ABHD2: variants seen among roughly 807,000 people sequenced by gnomAD.
ABHD2 encodes abhydrolase domain containing 2, acylglycerol lipase, also known as monoacylglycerol lipase ABHD2.
In ABHD2, 20 loss-of-function variants were observed where a neutral mutation model predicts 48.1. The ratio of observed to expected loss-of-function variants is 0.42; its 90% CI spans 0.29 to 0.60. ABHD2 has a LOEUF of 0.60. Ranked by LOEUF, ABHD2 falls within the 20% of genes least tolerant of loss-of-function variation. ABHD2 has a pLI of 0.24. For synonymous variants in ABHD2, 209 were observed against 214.2 expected (o/e 0.98, Z 0.21); for missense variants, 405 against 550.9 (o/e 0.74, Z 2.65).
chr15:89,152,125 G>C (rs1459633782), intron 4 of ABHD2, among the ~76,000 whole-genome samples: 1 of 151,556 alleles, frequency 6.6e-6, no homozygotes, highest in Non-Finnish European at 1.5e-5. Flanking sequence ...GCCCAGGCTG[G>C]AGTGCGGTGG....
the ABHD2 span, among the ~76,000 whole-genome samples, chr15:89,052,550 G>GACACACAC: frequency 2.5e-4 from 27 of 107,436 alleles, no homozygotes; most frequent in African/African-American, 7.2e-4. Flanking sequence ...CAGACAGACA[G>GACACACAC]ACAGACAGAC....
At chr15:89,125,627 G>A (rs1253032975) in intron 3 of ABHD2, among the ~76,000 whole-genome samples, 1 of 152,140 alleles carries the variant, frequency 6.6e-6, no homozygotes, top group Non-Finnish European at 1.5e-5. Context: ...CTCAGGACTG[G>A]GGCATGGGAC....
intron 1 of ABHD2, among the ~76,000 whole-genome samples, chr15:89,113,032 C>T (rs1399861564): frequency 6.6e-6 from 1 of 152,170 alleles, no homozygotes; most frequent in Admixed American, 6.5e-5. Context: ...GGCTGTTTCC[C>T]CCATGTTCTC....
At chr15:89,190,796 T>C (rs1338483558) in intron 8 of ABHD2, among the ~76,000 whole-genome samples, 1 of 152,178 alleles carries the variant, frequency 6.6e-6, no homozygotes, top group Non-Finnish European at 1.5e-5. Context: ...CAAGGTCACA[T>C]AGCCAGTAAA....
rs1242227241 is a variant in ABHD2 at position 89,195,001 on chromosome 15, C to T, written c.1082-226C>T. On this transcript the variant is annotated intron_variant, in intron 10 of 10. Coordinates refer to ENST00000352732, the MANE Select transcript of ABHD2 (RefSeq NM_152924.5). The surrounding 1 kb of genome is among the most constrained non-coding windows in gnomAD (Gnocchi z 5.1). ...TTTAGAGTTCTAAGGCTTTCTTCAG[C>T]TGGTGCCCATTCAGCTCCAAAGCCA... Among the ~76,000 whole-genome samples the T allele has an allele frequency of 1.3e-5, 2 of 152,212 alleles. No individual in the cohort carries two copies. Among genetic ancestry groups the T allele is most frequent in the African/African-American group, 4.8e-5 (2 of 41,468 alleles).
rs959413828 is a variant in ABHD2, at chr15:89,197,027, G to T, written c.*1604G>T. 2.6e-5 allele frequency: 4 copies of T among 152,560 alleles called. No homozygotes were observed. Among genetic ancestry groups the T allele is most frequent in the African/African-American group, 7.2e-5 (3 of 41,412 alleles). The allele number at this position is 152,560 out of a possible 1,614,324, so 9.5% of individuals were successfully genotyped here. On this transcript the variant is annotated 3_prime_UTR_variant, in exon 11 of 11. Coordinates refer to ENST00000352732, the MANE Select transcript of ABHD2 (RefSeq NM_152924.5). The surrounding 1 kb of genome is among the most constrained non-coding windows in gnomAD (Gnocchi z 4.4). ...AGGACAGACTGGAATATAAGTAGTG[G>T]GTCTGCATGGATGTTTCAGGGATCA...
the ABHD2 span, among the ~76,000 whole-genome samples, chr15:89,062,425 C>T: frequency 1.3e-5 from 2 of 152,084 alleles, no homozygotes; most frequent in South Asian, 4.2e-4. Context: ...CACTGTGTCG[C>T]CCAGCCTGTA....
In ABHD2 at chr15:89,201,829, G is replaced by A. The variant is rs536616849; in HGVS notation, c.*6406G>A. ...GGAGAGACAGCGCAGAGCAGGGGGCGGCTTGCTCGCTGGGGGCGGGGGACG... is the reference window on the plus strand; with the variant it reads ...GGAGAGACAGCGCAGAGCAGGGGGCAGCTTGCTCGCTGGGGGCGGGGGACG... On this transcript the variant is annotated 3_prime_UTR_variant, in exon 11 of 11. Transcript: ENST00000352732. 4.8e-4 allele frequency: 559 copies of A among 1,174,652 alleles called. 11 individuals carry two copies. The South Asian group carries it at 5.2e-3, about 11-fold the overall frequency. 72.8% of individuals were successfully genotyped at this position (1,174,652 alleles called of 1,614,324 possible).
At chr15:89,159,881 G>A (rs1303989998) in intron 5 of ABHD2, among the ~76,000 whole-genome samples, 5 of 152,130 alleles carry the variant, frequency 3.3e-5, no homozygotes, top group Non-Finnish European at 5.9e-5. Flanking sequence ...AAAAAAATGG[G>A]TGTCTTCTTC....
chr15:89,154,021 C>T (rs946398608), intron 4 of ABHD2, among the ~76,000 whole-genome samples: 4 of 152,100 alleles, frequency 2.6e-5, no homozygotes, highest in African/African-American at 9.7e-5. Context: ...TTATATCATC[C>T]TTCATCAGAA....
chr15:89,060,496 A>C, the ABHD2 span, among the ~76,000 whole-genome samples: 3 of 152,108 alleles, frequency 2.0e-5, no homozygotes, highest in African/African-American at 7.2e-5. Context: ...TAAAAACCTA[A>C]GGACTTATCT....
intron 3 of ABHD2, among the ~76,000 whole-genome samples, chr15:89,130,172 A>G (rs1438987618): frequency 6.6e-6 from 1 of 152,262 alleles, no homozygotes; most frequent in Non-Finnish European, 1.5e-5. Context: ...TAGTCGAAGT[A>G]AACTAGTTTA....
rs892085257 is a variant in ABHD2, at chr15:89,094,790, C to T, written c.-107+6227C>T. Among the ~76,000 whole-genome samples, 14 of 149,996 alleles carry T rather than the reference C, an allele frequency of 9.3e-5. No individual in the cohort carries two copies. The highest frequency in any genetic ancestry group is 3.2e-4 in the African/African-American group (13 of 40,684). On this transcript the variant is annotated intron_variant, in intron 1 of 10. Transcript: ENST00000352732. This position sits in a 1 kb window ranked among gnomAD's most constrained non-coding sequence, Gnocchi z 4.7. ...CTAAAAAGATATTTTAGCCTGGGTGCGGTGGCTCACACCTGTAATCCCAGT... is the reference window on the plus strand; with the variant it reads ...CTAAAAAGATATTTTAGCCTGGGTGTGGTGGCTCACACCTGTAATCCCAGT...
intron 10 of ABHD2, among the ~76,000 whole-genome samples, chr15:89,193,707 T>A (rs907348516): frequency 2.0e-5 from 3 of 152,282 alleles, no homozygotes; most frequent in Middle Eastern, 3.4e-3. Context: ...CCTAGCACTT[T>A]GTGAGGCTGC....
At chr15:89,129,262 G>C (rs1001873309) in intron 3 of ABHD2, among the ~76,000 whole-genome samples, 1 of 152,064 alleles carries the variant, frequency 6.6e-6, no homozygotes, top group South Asian at 2.1e-4. Flanking sequence ...CCATGGCTAG[G>C]GTGGAAGAGA....
chr15:89,049,199 C>T, the ABHD2 span, among the ~76,000 whole-genome samples: 5 of 152,250 alleles, frequency 3.3e-5, no homozygotes, highest in Non-Finnish European at 4.4e-5. Context: ...GTTAGGCTGC[C>T]CGGAGGTCAG....
chr15:89,122,119 T>C (rs185273753), intron 3 of ABHD2, among the ~76,000 whole-genome samples: 97 of 152,340 alleles, frequency 6.4e-4, no homozygotes, highest in African/African-American at 2.2e-3. Flanking sequence ...TGGGAGCCCC[T>C]GTGCCCTGCC....
At chr15:89,074,037 C>T in the ABHD2 span, among the ~76,000 whole-genome samples, 1 of 152,150 alleles carries the variant, frequency 6.6e-6, no homozygotes, top group Non-Finnish European at 1.5e-5. Context: ...GCAAGCGGGT[C>T]ACCTCTGACA....
chr15:89,161,041 A>G (rs1013232945), intron 5 of ABHD2, among the ~76,000 whole-genome samples: 1 of 152,120 alleles, frequency 6.6e-6, no homozygotes, highest in African/African-American at 2.4e-5. Flanking sequence ...TTTCTACCTA[A>G]AAGAACTCCT....
Sources: allele counts gnomAD v4.1 joint callset (sites outside exome capture counted in the v4.1 genomes callset), GRCh38; gene constraint gnomAD v4.1.1; non-coding constraint Gnocchi (gnomAD v3.1); transcripts MANE v1.5; gene names NCBI Gene and HGNC (gene_info 2026-07-23, HGNC 2026-07-21).